Variants in HK1 observed in about 807,000 individuals in gnomAD.
HK1 encodes hexokinase 1, also known as hexokinase-1.
Under a neutral mutation model 91.6 loss-of-function variants are expected in HK1, and 28 were observed. The observed-to-expected ratio is 0.31, with a 90% CI of 0.23 to 0.42. HK1 has a LOEUF of 0.42. HK1 is among the 10% of genes least tolerant of loss of function. The pLI is 1.00. For synonymous variants in HK1, 430 were observed against 468.1 expected, an observed-to-expected ratio of 0.92 and a Z score of 1.05; for missense variants, 770 against 1,219.8, an observed-to-expected ratio of 0.63 and a Z score of 5.49.
chr10:69,292,066 AT>A (rs749202328), intron 3 of HK1, among the ~76,000 whole-genome samples: 16 of 151,880 alleles, frequency 1.1e-4, no homozygotes, highest in Middle Eastern at 3.4e-3. Flanking sequence ...TAGGACCATA[AT>A]TTTTTTTAAT....
At chr10:69,398,933 AG>A in intron 17 of HK1, 105 bp downstream of exon 17, 1 of 821,380 alleles carries the variant, frequency 1.2e-6, no homozygotes, top group South Asian at 1.6e-5. Flanking sequence ...GCGGGAGCCC[AG>A]CCAGGCTGAA....
chr10:69,384,353 C>T lies in HK1; in HGVS notation c.1591C>T (p.Leu531=), dbSNP rs1839531022. The T allele has an allele frequency of 6.2e-7, 1 of 1,614,236 alleles. No homozygotes were observed. The highest frequency in any genetic ancestry group is 2.2e-5 in the East Asian group (1 of 44,888). ...DGTENGDFLA[L]DLGGTNFRVL... The stretch of plus-strand genomic sequence containing the variant: ...AACAGAGAATGGTGACTTCTTGGCC[C>T]TGGATCTTGGAGGAACCAATTTCCG... Residue 531 remains leucine (L), a synonymous_variant, in exon 11 of 18, where the codon CTG becomes TTG. Transcript: ENST00000359426.
intron 2 of HK1, among the ~76,000 whole-genome samples, chr10:69,351,336 C>T (rs149310859): frequency 0.13 from 20,218 of 151,412 alleles, 1,537 homozygotes; most frequent in South Asian, 0.26. Context: ...GGTGAAACCT[C>T]GTCTCTACTA....
At chr10:69,277,768 C>T (rs563551011) in intron 1 of HK1, among the ~76,000 whole-genome samples, 3 of 152,182 alleles carry the variant, frequency 2.0e-5, no homozygotes, top group African/African-American at 7.2e-5. Flanking sequence ...GCACAGGGCT[C>T]ACGCCTGTAA....
intron 2 of HK1, among the ~76,000 whole-genome samples, chr10:69,356,634 C>G (rs1849144616): frequency 6.6e-6 from 1 of 152,052 alleles, no homozygotes; most frequent in African/African-American, 2.4e-5. Context: ...CCTGTGATCC[C>G]AACACTTTGG....
At chr10:69,309,562 G>A (rs1183629297) in intron 5 of HK1, among the ~76,000 whole-genome samples, 1 of 146,876 alleles carries the variant, frequency 6.8e-6, no homozygotes, top group Non-Finnish European at 1.5e-5. Context: ...AGCGCTTTGG[G>A]AGGCTGAGGT....
At chr10:69,323,637 C>T (rs1285892817) in intron 1 of HK1, among the ~76,000 whole-genome samples, 1 of 151,924 alleles carries the variant, frequency 6.6e-6, no homozygotes, top group Non-Finnish European at 1.5e-5. Context: ...ACTTTATAAT[C>T]CCTGCCTTTC....
Position 69,293,042 on chromosome 10 carries a change from C to A in HK1, c.-114-2591C>A, listed in dbSNP as rs117126745. Among the ~76,000 whole-genome samples, 95 of 152,328 alleles carry A rather than the reference C, an allele frequency of 6.2e-4. 1 individual carries two copies. Among genetic ancestry groups the A allele is most frequent in the Non-Finnish European group, 1.1e-3 (73 of 68,026 alleles). ...TCACTGGACAAGACTGATTTGGCCT[C>A]CACTGGCTCCAGAGCAGGCATGCTG... is the stretch of plus-strand genomic sequence containing the variant. On this transcript the variant is annotated intron_variant, in intron 3 of 21. Transcript: ENST00000360289.
chr10:69,285,160 C>T (rs533305687), intron 2 of HK1, among the ~76,000 whole-genome samples: 46 of 151,724 alleles, frequency 3.0e-4, no homozygotes, highest in African/African-American at 9.6e-4. Context: ...ACAGGCCGGG[C>T]GCGGTGGCTC....
chr10:69,401,290 G>T lies in HK1; in HGVS notation c.*155G>T. The T allele has an allele frequency of 1.3e-6, 1 of 783,116 alleles. No homozygotes were observed. The highest frequency in any genetic ancestry group is 2.1e-6 in the Non-Finnish European group (1 of 473,646). 48.5% of individuals were successfully genotyped at this position (783,116 alleles called of 1,614,324 possible). ...TCCAACTAATGGTATATATTGTAGG[G>T]TACAGAATAGAGCGTGTGCTGTTGA... On this transcript the variant is annotated 3_prime_UTR_variant, in exon 18 of 18. Coordinates refer to ENST00000359426, the MANE Select transcript of HK1 (RefSeq NM_000188.3).
At chr10:69,286,848 C>T (rs1295289927) in intron 2 of HK1, among the ~76,000 whole-genome samples, 1 of 152,150 alleles carries the variant, frequency 6.6e-6, no homozygotes, top group Non-Finnish European at 1.5e-5. Flanking sequence ...TCATGAGGCG[C>T]CTGGCCTCAT....
chr10:69,369,162 G>T lies in HK1; in HGVS notation c.592-75G>T. ...GGGTTCTGAAAACGGGAGCACTTCTGCCAAGCGCTGTTAAGGTGTGTGATC... is the reference window on the plus strand; with the variant it reads ...GGGTTCTGAAAACGGGAGCACTTCTTCCAAGCGCTGTTAAGGTGTGTGATC... On this transcript the variant is annotated intron_variant, in intron 5 of 17. Transcript: ENST00000359426. This position sits in a 1 kb window ranked among gnomAD's most constrained non-coding sequence, Gnocchi z 4.4. 8.9e-7 allele frequency: 1 copy of T among 1,120,650 alleles called. No individual in the cohort carries two copies. Among genetic ancestry groups the T allele is most frequent in the South Asian group, 1.3e-5 (1 of 79,458 alleles). The allele number at this position is 1,120,650 out of a possible 1,614,324, so 69.4% of individuals were successfully genotyped here.
intron 1 of HK1, 109 bp from the exon 2 acceptor site, chr10:69,343,718 C>T (rs1444875563): frequency 1.2e-5 from 10 of 821,840 alleles, no homozygotes; most frequent in Admixed American, 5.1e-5. Context: ...GATGTGCCAG[C>T]GTGCGTGTTC....
At chr10:69,344,732 G>A (rs898687096) in intron 2 of HK1, among the ~76,000 whole-genome samples, 1 of 152,190 alleles carries the variant, frequency 6.6e-6, no homozygotes, top group South Asian at 2.1e-4. Context: ...TCGCAGTCTG[G>A]CCTGCTCAGT....
intron 12 of HK1, 86 bp downstream of exon 12, chr10:69,385,001 G>C: frequency 7.0e-7 from 1 of 1,428,706 alleles, no homozygotes; most frequent in South Asian, 1.1e-5. Flanking sequence ...GCCTTCTCCA[G>C]CCTCAGTGTC....
At position 69,319,156 on chromosome 10, in the gene HK1, C is replaced by A. The variant is rs150402227; in HGVS notation, c.63+146C>A. The A allele has an allele frequency of 9.0e-5, 86 of 953,868 alleles. No individual in the cohort carries two copies. In the African/African-American group the frequency reaches 1.2e-3, roughly 14 times the overall value. 59.1% of individuals were successfully genotyped at this position (953,868 alleles called of 1,614,324 possible). A position where few individuals can be genotyped will look rare whatever the true frequency, so the allele number is the denominator to read the frequency against. The stretch of plus-strand genomic sequence containing the variant: ...GACTGCAGGGCGCAAGGAAAGCCTT[C>A]GCCTTCGATTCTACCGGCATTGTCA... On this transcript the variant is annotated intron_variant, in intron 1 of 17. Coordinates refer to ENST00000359426, the MANE Select transcript of HK1 (RefSeq NM_000188.3).
intron 5 of HK1, chr10:69,300,946 A>G (rs1845833072): frequency 2.5e-6 from 2 of 785,982 alleles, no homozygotes; most frequent in Non-Finnish European, 2.2e-6. Flanking sequence ...CAAGGTTAAT[A>G]TACATAAATC....
At chr10:69,355,068 CAAAAA>C (rs775908068) in intron 2 of HK1, among the ~76,000 whole-genome samples, 2,926 of 85,196 alleles carry the variant, frequency 0.034, 40 homozygotes, top group South Asian at 0.064. Context: ...GACTCCCTCT[CAAAAA>C]AAAAAAAAAA....
Position 69,343,827 on chromosome 10 carries a change from A to G in HK1, c.64A>G (p.Ile22Val). ...TELKDDQVKK[I>V]DKYLYAMRLS... ...CTCCTTCCTTCTCATCCCCCTCCAG[A>G]TTGACAAGTATCTCTATGCCATGCG... The change falls in exon 2 of 18, where the codon ATT (isoleucine) becomes GTT (valine). Residue 22 changes from isoleucine to valine, a missense_variant and splice_region_variant. By Grantham distance (29) the Ile-to-Val change is conservative. Around this residue, in one of 7 missense-constraint regions of HK1, gnomAD observed 449 missense variants for 665.1 expected, o/e 0.68. Coordinates refer to ENST00000359426, the MANE Select transcript of HK1 (RefSeq NM_000188.3). The G allele has an allele frequency of 6.2e-7, 1 of 1,612,330 alleles. No individual in the cohort carries two copies. The highest frequency in any genetic ancestry group is 8.5e-7 in the Non-Finnish European group (1 of 1,178,556).
Sources: gnomAD v4.1 joint callset for allele counts (sites outside exome capture counted in the v4.1 genomes callset) on GRCh38, gnomAD v4.1.1 for gene constraint, gnomAD v4.1.1 regional missense constraint, Gnocchi (gnomAD v3.1) non-coding constraint, MANE v1.5 for transcripts, NCBI Gene and HGNC (gene_info 2026-07-23, HGNC 2026-07-21) for gene names.